Variants in KCNC2 observed in about 807,000 individuals in gnomAD.
KCNC2 encodes the protein voltage-gated potassium channel KCNC2.
KCNC2 carries 21 observed loss-of-function variants against 44.5 expected under a neutral mutation model. The ratio of observed to expected loss-of-function variants is 0.47; its 90% CI spans 0.33 to 0.68. The LOEUF is 0.68. Ranked by LOEUF, KCNC2 falls within the 30% of genes least tolerant of loss-of-function variation. The probability of loss-of-function intolerance (pLI) is 0.01; values close to 1 mark genes in which losing one functional copy is unlikely to be tolerated. For synonymous variants in KCNC2, 391 were observed against 339.1 expected (o/e 1.15, Z -1.68); for missense variants, 589 against 826.2 (o/e 0.71, Z 3.52).
At chr12:75,120,547 T>C (rs1887978671) in intron 2 of KCNC2, among the ~76,000 whole-genome samples, 1 of 152,200 alleles carries the variant, frequency 6.6e-6, no homozygotes, top group Admixed American at 6.5e-5. Context: ...CTTGAACTTC[T>C]GAAGCTGCTT....
At chr12:75,149,717 A>T (rs1004227471) in intron 2 of KCNC2, among the ~76,000 whole-genome samples, 2 of 151,628 alleles carry the variant, frequency 1.3e-5, no homozygotes, top group Non-Finnish European at 3.0e-5. Flanking sequence ...AAGGATCTTA[A>T]TTACCTGCTT....
chr12:75,191,883 C>G (rs1356355802), intron 2 of KCNC2, among the ~76,000 whole-genome samples: 16 of 152,092 alleles, frequency 1.1e-4, no homozygotes, highest in Non-Finnish European at 2.4e-4. Context: ...ATTTCATCTA[C>G]TATCTTACAA....
At chr12:75,121,505 G>A (rs1888043777) in intron 2 of KCNC2, among the ~76,000 whole-genome samples, 1 of 152,162 alleles carries the variant, frequency 6.6e-6, no homozygotes, top group South Asian at 2.1e-4. Flanking sequence ...ATATAGGGGT[G>A]GGAGGCAGAA....
At chr12:75,153,474 AGGGTG>A (rs1184620910) in intron 2 of KCNC2, among the ~76,000 whole-genome samples, 1 of 151,780 alleles carries the variant, frequency 6.6e-6, no homozygotes, top group Non-Finnish European at 1.5e-5. Context: ...GAAGGGTGGG[AGGGTG>A]AGAAGGGGCT....
chr12:75,083,864 T>G (rs1592833509), intron 2 of KCNC2, among the ~76,000 whole-genome samples: 2 of 152,082 alleles, frequency 1.3e-5, no homozygotes, highest in African/African-American at 4.8e-5. Flanking sequence ...CAATAATTAG[T>G]AAAAACTCAT....
In KCNC2 at chr12:75,069,355, C is replaced by T. The variant is rs200637610; in HGVS notation, c.688-18038G>A. Among the ~76,000 whole-genome samples the T allele has an allele frequency of 4.6e-5, 7 of 151,718 alleles. No homozygotes were observed. The East Asian group carries it at 5.8e-4, about 13-fold the overall frequency. On this transcript the variant is annotated intron_variant, in intron 2 of 4. Coordinates refer to ENST00000549446, the MANE Select transcript of KCNC2 (RefSeq NM_139137.4). ...TTCTCCATGTTGGTCAGGCTGGTCTCGAACTCCCGACCTCAGGTGATCCGC... is the reference window on the plus strand; with the variant it reads ...TTCTCCATGTTGGTCAGGCTGGTCTTGAACTCCCGACCTCAGGTGATCCGC...
At chr12:75,052,149 T>C (rs1342676779) in intron 2 of KCNC2, among the ~76,000 whole-genome samples, 2 of 152,102 alleles carry the variant, frequency 1.3e-5, no homozygotes, top group Admixed American at 1.3e-4. Flanking sequence ...AGTAGTACCA[T>C]ATACTGTTGA....
chr12:75,185,237 A>T (rs1001211777), intron 2 of KCNC2, among the ~76,000 whole-genome samples: 30 of 152,180 alleles, frequency 2.0e-4, no homozygotes, highest in Admixed American at 9.8e-4. Context: ...GTGATAACGC[A>T]GGCTACTAAG....
intron 2 of KCNC2, among the ~76,000 whole-genome samples, chr12:75,094,343 A>G (rs1405760424): frequency 6.6e-6 from 1 of 151,670 alleles, no homozygotes; most frequent in African/African-American, 2.4e-5. Context: ...GATAACACAT[A>G]GTGGAATGAG....
chr12:75,057,054 A>G (rs1465123805), intron 2 of KCNC2, among the ~76,000 whole-genome samples: 2 of 152,016 alleles, frequency 1.3e-5, no homozygotes, highest in Admixed American at 6.6e-5. Flanking sequence ...ATTCTCTACA[A>G]AAAACTTTAA....
rs1347641760 is a variant in KCNC2 at position 75,207,431 on chromosome 12, G to A, written c.553C>T (p.Leu185=). ...TCGATGCCCAGCCTCTTGGCCGCCA[G>A]GTCCTCGTCGTCGCCGGGGTCGCCG... ...IGGDPGDDED[L]AAKRLGIEDA... is the part of the protein sequence containing the mutation. Residue 185 remains leucine, a synonymous_variant, in exon 2 of 5, where the codon CTG becomes TTG. Coordinates refer to ENST00000549446, the MANE Select transcript of KCNC2 (RefSeq NM_139137.4). The surrounding 1 kb of genome is among the most constrained non-coding windows in gnomAD (Gnocchi z 4.1). 1.2e-6 allele frequency: 2 copies of A among 1,607,286 alleles called. No homozygotes were observed. Among genetic ancestry groups the A allele is most frequent in the Admixed American group, 1.7e-5 (1 of 59,270 alleles).
At chr12:75,204,599 A>G (rs2031539508) in intron 2 of KCNC2, among the ~76,000 whole-genome samples, 1 of 152,148 alleles carries the variant, frequency 6.6e-6, no homozygotes, top group Non-Finnish European at 1.5e-5. Context: ...TCTATTAAGA[A>G]TGAGACTCAT....
intron 2 of KCNC2, among the ~76,000 whole-genome samples, chr12:75,055,670 T>C (rs927423118): frequency 6.6e-6 from 1 of 152,086 alleles, no homozygotes; most frequent in African/African-American, 2.4e-5. Flanking sequence ...GTCTAATCAG[T>C]AGGCACATTT....
At chr12:75,065,219 C>A (rs891951405) in intron 2 of KCNC2, among the ~76,000 whole-genome samples, 4 of 151,890 alleles carry the variant, frequency 2.6e-5, no homozygotes, top group African/African-American at 9.7e-5. Context: ...TCAAGGGTAA[C>A]ACAAGACAGA....
chr12:75,066,980 A>C (rs1882893637), intron 2 of KCNC2, among the ~76,000 whole-genome samples: 4 of 152,196 alleles, frequency 2.6e-5, no homozygotes, highest in Non-Finnish European at 5.9e-5. Context: ...AGGCAGGCAG[A>C]TTACATGAGT....
chr12:75,054,083 C>G (rs1881477701), intron 2 of KCNC2, among the ~76,000 whole-genome samples: 1 of 151,628 alleles, frequency 6.6e-6, no homozygotes, highest in African/African-American at 2.4e-5. Flanking sequence ...ATTAGCTGGA[C>G]ATGGTGGCAC....
At chr12:75,136,197 G>C (rs528279333) in intron 2 of KCNC2, among the ~76,000 whole-genome samples, 2 of 151,796 alleles carry the variant, frequency 1.3e-5, no homozygotes, top group South Asian at 2.1e-4. Context: ...GGCTAAGAGG[G>C]AACATTATAG....
chr12:75,040,166 C>T lies in KCNC2; in HGVS notation c.*2939G>A, dbSNP rs1879747673. 1 of 152,032 alleles carries T rather than the reference C, an allele frequency of 6.6e-6. No individual in the cohort carries two copies. The highest frequency in any genetic ancestry group is 1.5e-5 in the Non-Finnish European group (1 of 67,964). The allele number at this position is 152,032 out of a possible 1,614,324, so 9.4% of individuals were successfully genotyped here. ...TTCATTTCAGTTAGTTACATTTCCA[C>T]TGGTTATCATCAAGGTTGTGCATGC... is the stretch of plus-strand genomic sequence containing the variant. On this transcript the variant is annotated 3_prime_UTR_variant, in exon 5 of 5. Transcript: ENST00000549446.
chr12:75,181,238 A>G (rs575551992), intron 2 of KCNC2, among the ~76,000 whole-genome samples: 157 of 152,224 alleles, frequency 1.0e-3, no homozygotes, highest in African/African-American at 3.2e-3. Context: ...AAAAACAGTA[A>G]TTTTCCATTC....
Sources: gnomAD v4.1 joint callset for allele counts (sites outside exome capture counted in the v4.1 genomes callset) on GRCh38, gnomAD v4.1.1 for gene constraint, Gnocchi (gnomAD v3.1) non-coding constraint, MANE v1.5 for transcripts, NCBI Gene and HGNC (gene_info 2026-07-23, HGNC 2026-07-21) for gene names.